Variants in RABGEF1 observed in about 807,000 individuals in gnomAD.
The protein encoded by RABGEF1 is rab5 GDP/GTP exchange factor.
A neutral mutation model predicts 57.3 loss-of-function variants in RABGEF1; 26 were observed. The ratio of observed to expected loss-of-function variants is 0.45; its 90% CI spans 0.33 to 0.63. RABGEF1 has a LOEUF of 0.63. Among genes scored for constraint, RABGEF1 ranks in the 20% least tolerant of loss-of-function variants. The pLI is 0.02. For synonymous variants in RABGEF1, 185 were observed against 210.7 expected (o/e 0.88, Z 1.06); for missense variants, 464 against 607.6 (o/e 0.76, Z 2.48).
At chr7:66,756,131 A>G in intron 1 of RABGEF1, 1 of 1,140,964 alleles carries the variant, frequency 8.8e-7, no homozygotes, top group Non-Finnish European at 1.2e-6. Flanking sequence ...AGAAAATAGT[A>G]ATGACATAGA....
At chr7:66,751,820 A>C (rs1801494020) in intron 1 of RABGEF1, among the ~76,000 whole-genome samples, 1 of 152,134 alleles carries the variant, frequency 6.6e-6, no homozygotes, top group African/African-American at 2.4e-5. Flanking sequence ...GTGGCTATAG[A>C]ATTTGGATTG....
At chr7:66,688,412 G>T (rs1245360164) in intron 1 of RABGEF1, among the ~76,000 whole-genome samples, 1 of 152,116 alleles carries the variant, frequency 6.6e-6, no homozygotes, top group African/African-American at 2.4e-5. Flanking sequence ...AATCCAACTA[G>T]ATCTAATGGA....
In RABGEF1 at chr7:66,809,326, G is replaced by GTAA; in HGVS notation, c.*42_*43insTAA. 1 of 1,553,120 alleles carries GTAA rather than the reference G, an allele frequency of 6.4e-7. No homozygotes were observed. Among genetic ancestry groups the GTAA allele is most frequent in the Non-Finnish European group, 8.7e-7 (1 of 1,147,112 alleles). On this transcript the variant is annotated 3_prime_UTR_variant, in exon 9 of 9. Transcript: ENST00000284957. Reference sequence around the variant, plus strand: ...AGTATTTATTTGAGCCTAAATTGTAGGTAGCCCTTACTACACTCAACTGAT... The same window carrying GTAA: ...AGTATTTATTTGAGCCTAAATTGTAGTAAGTAGCCCTTACTACACTCAACTGAT...
At chr7:66,772,659 A>G (rs1217607222) in intron 2 of RABGEF1, among the ~76,000 whole-genome samples, 2 of 152,198 alleles carry the variant, frequency 1.3e-5, no homozygotes, top group Non-Finnish European at 2.9e-5. Flanking sequence ...CTGTAATCCT[A>G]GCACTTTGGG....
chr7:66,759,311 C>G (rs546574835), intron 1 of RABGEF1, among the ~76,000 whole-genome samples: 1 of 152,316 alleles, frequency 6.6e-6, no homozygotes, highest in South Asian at 2.1e-4. Flanking sequence ...TGAGCAGATT[C>G]TACAGGACAC....
At chr7:66,743,823 A>G (rs1413508824) in intron 1 of RABGEF1, among the ~76,000 whole-genome samples, 1 of 151,866 alleles carries the variant, frequency 6.6e-6, no homozygotes, top group African/African-American at 2.4e-5. Context: ...TAGAGATGGA[A>G]TCCTTGTATG....
At chr7:66,764,253 G>A (rs1805147985) in intron 1 of RABGEF1, among the ~76,000 whole-genome samples, 1 of 152,036 alleles carries the variant, frequency 6.6e-6, no homozygotes, top group Admixed American at 6.6e-5. Context: ...ATATACTCAC[G>A]ACTGTTTGCA....
the RABGEF1 span, among the ~76,000 whole-genome samples, chr7:66,663,825 G>A: frequency 2.0e-5 from 3 of 152,166 alleles, no homozygotes; most frequent in Non-Finnish European, 4.4e-5. Context: ...TGTAATCCCA[G>A]CACTTTGGGA....
intron 1 of RABGEF1, among the ~76,000 whole-genome samples, chr7:66,711,881 C>T (rs1409754816): frequency 2.0e-5 from 3 of 152,090 alleles, no homozygotes; most frequent in South Asian, 2.1e-4. Flanking sequence ...CCACTGCACC[C>T]GGACTGTATA....
upstream of RABGEF1, among the ~76,000 whole-genome samples, chr7:66,678,429 G>A (rs59079543): frequency 0.088 from 13,346 of 151,882 alleles, 775 homozygotes; most frequent in Non-Finnish European, 0.11. Context: ...GCCGGGCGTG[G>A]TGGCAGGCGC....
chr7:66,712,767 C>T (rs1331969319), intron 2 of RABGEF1, among the ~76,000 whole-genome samples: 1 of 152,070 alleles, frequency 6.6e-6, no homozygotes, highest in East Asian at 1.9e-4. Flanking sequence ...GCCACTGCAC[C>T]CAGCCTCTTT....
intron 7 of RABGEF1, among the ~76,000 whole-genome samples, chr7:66,800,951 G>A (rs1309053398): frequency 6.6e-6 from 1 of 152,232 alleles, no homozygotes; most frequent in Non-Finnish European, 1.5e-5. Flanking sequence ...GAGGCTGCCC[G>A]TTAAGTTACA....
intron 2 of RABGEF1, among the ~76,000 whole-genome samples, chr7:66,716,979 A>G (rs1330458475): frequency 1.3e-5 from 2 of 152,114 alleles, no homozygotes; most frequent in Non-Finnish European, 2.9e-5. Flanking sequence ...GGGTTTCGCC[A>G]TGTTGGCCAG....
At chr7:66,697,599 G>A (rs111239002) in intron 1 of RABGEF1, among the ~76,000 whole-genome samples, 10 of 152,120 alleles carry the variant, frequency 6.6e-5, no homozygotes, top group African/African-American at 1.9e-4. Context: ...AGCAGGCTTC[G>A]TGGCTTGCCT....
the RABGEF1 span, among the ~76,000 whole-genome samples, chr7:66,655,152 C>G: frequency 6.6e-6 from 1 of 152,184 alleles, no homozygotes; most frequent in Non-Finnish European, 1.5e-5. Flanking sequence ...AGAAGCGTCC[C>G]GGAGTTGGGA....
At chr7:66,682,911 G>C (rs1180061563) in intron 1 of RABGEF1, among the ~76,000 whole-genome samples, 1 of 152,186 alleles carries the variant, frequency 6.6e-6, no homozygotes, top group Non-Finnish European at 1.5e-5. Context: ...TTTAGGGAGA[G>C]AGAGGGAAGG....
intron 1 of RABGEF1, chr7:66,768,835 CTG>C (rs1414943985): frequency 1.3e-5 from 2 of 152,130 alleles, no homozygotes; most frequent in Admixed American, 6.5e-5. Context: ...GTCCAGAAAA[CTG>C]TGGATTTAGT....
chr7:66,746,211 C>T (rs1280203601), intron 1 of RABGEF1, among the ~76,000 whole-genome samples: 1 of 152,032 alleles, frequency 6.6e-6, no homozygotes, highest in African/African-American at 2.4e-5. Flanking sequence ...AAACATTATA[C>T]TTTTATGGTG....
intron 1 of RABGEF1, among the ~76,000 whole-genome samples, chr7:66,763,883 G>T (rs1805057088): frequency 6.6e-6 from 1 of 152,128 alleles, no homozygotes; most frequent in Non-Finnish European, 1.5e-5. Context: ...TAATTCATCA[G>T]TTGATGTACA....
Sources: gnomAD v4.1 joint callset for allele counts (sites outside exome capture counted in the v4.1 genomes callset) on GRCh38, gnomAD v4.1.1 for gene constraint, MANE v1.5 for transcripts, NCBI Gene and HGNC (gene_info 2026-07-23, HGNC 2026-07-21) for gene names.